SLC4A4: variants seen among roughly 807,000 people sequenced by gnomAD.
SLC4A4 encodes electrogenic sodium bicarbonate cotransporter 1.
A neutral mutation model predicts 111.5 loss-of-function variants in SLC4A4; 27 were observed. The ratio of observed to expected loss-of-function variants is 0.24; its 90% CI spans 0.18 to 0.33. SLC4A4 has a LOEUF of 0.33. Among genes scored for constraint, SLC4A4 ranks in the 10% least tolerant of loss-of-function variants. The pLI is 1.00. For missense variants in SLC4A4, 909 were observed against 1,315.5 expected (o/e 0.69, Z 4.78); for synonymous variants, 443 against 463.4 (o/e 0.96, Z 0.57).
chr4:71,476,254 A>G (rs1577994988), intron 14 of SLC4A4, among the ~76,000 whole-genome samples: 1 of 151,856 alleles, frequency 6.6e-6, no homozygotes, highest in Non-Finnish European at 1.5e-5. Flanking sequence ...GAATACATTC[A>G]TCATCAATTT....
At chr4:71,347,688 G>A (rs1729448960) in intron 4 of SLC4A4, among the ~76,000 whole-genome samples, 1 of 152,134 alleles carries the variant, frequency 6.6e-6, no homozygotes, top group East Asian at 1.9e-4. Context: ...GTATATAAGT[G>A]AGGCTTAGTT....
At chr4:71,145,430 A>C (rs1386643218) in intron 2 of SLC4A4, among the ~76,000 whole-genome samples, 3 of 152,180 alleles carry the variant, frequency 2.0e-5, no homozygotes, top group African/African-American at 7.2e-5. Flanking sequence ...TGTCTCTGCC[A>C]GGCTTTGGTA....
At chr4:71,092,369 T>C (rs890740321) in intron 1 of SLC4A4, among the ~76,000 whole-genome samples, 1 of 152,216 alleles carries the variant, frequency 6.6e-6, no homozygotes, top group African/African-American at 2.4e-5. Flanking sequence ...AACTTTTTCA[T>C]GTTGACAGAT....
intron 2 of SLC4A4, among the ~76,000 whole-genome samples, chr4:71,169,765 G>T (rs1361645802): frequency 4.6e-5 from 7 of 152,160 alleles, no homozygotes; most frequent in Non-Finnish European, 2.9e-5. Flanking sequence ...TGTGGCAAGG[G>T]CCTTCTTGCC....
At chr4:71,243,596 T>C (rs1477664493) in intron 2 of SLC4A4, among the ~76,000 whole-genome samples, 1 of 152,196 alleles carries the variant, frequency 6.6e-6, no homozygotes, top group Non-Finnish European at 1.5e-5. Context: ...TGCAATGGCA[T>C]AGGTTCACGG....
chr4:71,085,210 A>G (rs1162847582), intron 1 of SLC4A4, among the ~76,000 whole-genome samples: 2 of 152,032 alleles, frequency 1.3e-5, no homozygotes, highest in African/African-American at 4.8e-5. Flanking sequence ...CTTCTTTTGA[A>G]AAGTGTCTGT....
chr4:71,328,349 C>T (rs1003088811), intron 3 of SLC4A4, among the ~76,000 whole-genome samples: 5 of 152,050 alleles, frequency 3.3e-5, no homozygotes, highest in African/African-American at 1.2e-4. Flanking sequence ...ATATACCTAG[C>T]GGTGGGATTG....
upstream of SLC4A4, among the ~76,000 whole-genome samples, chr4:71,185,347 T>C (rs981567295): frequency 2.0e-5 from 3 of 152,236 alleles, no homozygotes; most frequent in Non-Finnish European, 2.9e-5. Flanking sequence ...CGGTTGCTGA[T>C]TCTTGCTAAC....
chr4:71,498,578 CA>C (rs1205390896), intron 16 of SLC4A4, among the ~76,000 whole-genome samples: 4 of 152,002 alleles, frequency 2.6e-5, no homozygotes, highest in African/African-American at 9.7e-5. Flanking sequence ...TTCCTTTTTC[CA>C]AATTCTAGGA....
At chr4:71,403,177 C>A (rs1276562835) in intron 7 of SLC4A4, among the ~76,000 whole-genome samples, 1 of 152,076 alleles carries the variant, frequency 6.6e-6, no homozygotes, top group African/African-American at 2.4e-5. Flanking sequence ...AACTCTATCT[C>A]GTGTATTATT....
At chr4:71,107,269 T>G (rs1024253087) in intron 2 of SLC4A4, among the ~76,000 whole-genome samples, 6 of 152,186 alleles carry the variant, frequency 3.9e-5, no homozygotes, top group Non-Finnish European at 8.8e-5. Context: ...ATTTTGCTAC[T>G]TGTTTTCTAT....
intron 6 of SLC4A4, among the ~76,000 whole-genome samples, chr4:71,381,383 C>T (rs918187113): frequency 6.6e-6 from 1 of 152,118 alleles, no homozygotes; most frequent in African/African-American, 2.4e-5. Context: ...TGTCTAGAGC[C>T]TGTAAGAAAG....
intron 1 of SLC4A4, among the ~76,000 whole-genome samples, chr4:71,223,125 G>A (rs948142289): frequency 4.0e-5 from 6 of 151,796 alleles, no homozygotes; most frequent in Admixed American, 1.3e-4. Flanking sequence ...TTTAATATTT[G>A]TGATCCCAGG....
intron 2 of SLC4A4, among the ~76,000 whole-genome samples, chr4:71,145,675 G>A (rs537548574): frequency 2.4e-4 from 36 of 152,160 alleles, no homozygotes; most frequent in African/African-American, 7.9e-4. Flanking sequence ...TTTATTCTTG[G>A]GAGGGTGTAT....
At chr4:71,087,587 A>G (rs1742223334) in intron 1 of SLC4A4, among the ~76,000 whole-genome samples, 1 of 151,992 alleles carries the variant, frequency 6.6e-6, no homozygotes, top group Non-Finnish European at 1.5e-5. Flanking sequence ...TGTGTCCCAG[A>G]GATTCTGGTA....
At chr4:71,437,453 C>T (rs759621040) in intron 7 of SLC4A4, 103 of 329,016 alleles carry the variant, frequency 3.1e-4, no homozygotes, top group Admixed American at 5.8e-4. Flanking sequence ...TTTCACTGGA[C>T]TATATCAAGG....
chr4:71,330,739 G>C (rs13138752), intron 3 of SLC4A4, among the ~76,000 whole-genome samples: 3,241 of 151,968 alleles, frequency 0.021, 63 homozygotes, highest in Non-Finnish European at 0.032. Flanking sequence ...CAAATGGGAT[G>C]TAATTAAACT....
rs1351928450 is a variant in SLC4A4, at chr4:71,560,244, A to G, written c.3089A>G (p.Asp1030Gly). 1 of 1,607,968 alleles carries G rather than the reference A, an allele frequency of 6.2e-7. No individual in the cohort carries two copies. The highest frequency in any genetic ancestry group is 1.7e-5 in the Admixed American group (1 of 59,362). The part of the protein sequence containing the change: ...KKKKKGSLDS[D>G]NDDSDCPYSE... ...AAGAAGAAGGGAAGTCTGGACAGTG[A>G]CAATGATGATGTAAGGAACTTTCCA... The change falls in exon 23 of 26, where the codon GAC becomes GGC. Residue 1030 changes from aspartate (D) to glycine (G), a missense_variant. Around this residue, in one of 7 missense-constraint regions of SLC4A4, gnomAD observed 85 missense variants for 79.8 expected, o/e 1.07. Coordinates refer to ENST00000264485, the MANE Select transcript of SLC4A4 (RefSeq NM_001098484.3).
intron 13 of SLC4A4, among the ~76,000 whole-genome samples, chr4:71,471,458 G>C (rs1391575992): frequency 2.0e-5 from 3 of 151,934 alleles, no homozygotes; most frequent in Non-Finnish European, 4.4e-5. Context: ...GGTTGGGTAA[G>C]ATTGGGTTGG....
Sources: allele counts gnomAD v4.1 joint callset (sites outside exome capture counted in the v4.1 genomes callset), GRCh38; gene constraint gnomAD v4.1.1; regional missense constraint gnomAD v4.1.1; transcripts MANE v1.5; gene names NCBI Gene and HGNC (gene_info 2026-07-23, HGNC 2026-07-21).